VPS11: variants seen among roughly 807,000 people sequenced by gnomAD.
VPS11 encodes the protein vacuolar protein sorting-associated protein 11 homolog.
Under a neutral mutation model 106.8 loss-of-function variants are expected in VPS11, and 51 were observed. The ratio of observed to expected loss-of-function variants is 0.48; its 90% CI spans 0.38 to 0.60. The LOEUF is 0.60. Ranked by LOEUF, VPS11 falls within the 20% of genes least tolerant of loss-of-function variation. VPS11 has a pLI of 0.00. For synonymous variants in VPS11, 453 were observed against 458.7 expected (o/e 0.99, Z 0.16); for missense variants, 950 against 1,190.0 (o/e 0.80, Z 2.97).
At chr11:119,072,094 T>C (rs983370172) in intron 5 of VPS11, 1 of 386,148 alleles carries the variant, frequency 2.6e-6, no homozygotes, top group Middle Eastern at 7.9e-4. Context: ...GCCTCCTGAA[T>C]AGCTGGGATT....
rs782396800 is a variant in VPS11, at chr11:119,069,604, C to T, written c.472+27C>T. The stretch of plus-strand genomic sequence containing the variant: ...TAAACAGAAGGCAAAACTAACCCTC[C>T]TAGATTTGTTATAGATTTTCTTCAG... On this transcript the variant is annotated intron_variant, in intron 3 of 15. Transcript: ENST00000621676. 6.8e-6 allele frequency: 11 copies of T among 1,613,630 alleles called. No individual in the cohort carries two copies. In the South Asian group the frequency reaches 1.2e-4, roughly 18 times the overall value.
intron 4 of VPS11, among the ~76,000 whole-genome samples, chr11:119,071,305 A>G (rs1338257309): frequency 6.6e-6 from 1 of 152,146 alleles, no homozygotes; most frequent in Non-Finnish European, 1.5e-5. Flanking sequence ...CAGATTTACA[A>G]CAGTCTACTC....
Position 119,068,443 on chromosome 11 carries a change from C to CTTTTTTTTTTTTT in VPS11, c.187+433_187+434insTTTTTTTTTTTTT, listed in dbSNP as rs1945208004. On this transcript the variant is annotated intron_variant, in intron 1 of 15. Transcript: ENST00000621676. The stretch of plus-strand genomic sequence containing the variant: ...CTGCTACTAAATTCTGGCCTTTTTA[C>CTTTTTTTTTTTTT]CTTTTTTTTTTTTTTTTTTTTTTTG... 3.6e-4 allele frequency among the ~76,000 whole-genome samples: 13 copies of CTTTTTTTTTTTTT among 35,810 alleles called. 5 individuals are homozygous for CTTTTTTTTTTTTT. The highest frequency in any genetic ancestry group is 3.3e-4 in the Non-Finnish European group (4 of 12,246). The allele number at this position is 35,810 out of a possible 152,430, so 23.5% of individuals were successfully genotyped here.
chr11:119,070,028 A>AAATAAATAAATAAATAAAAT (rs375064434), intron 3 of VPS11, among the ~76,000 whole-genome samples: 5 of 28,098 alleles, frequency 1.8e-4, no homozygotes, highest in African/African-American at 6.4e-4. Context: ...ATAAATAAAT[A>AAATAAATAAATAAATAAAAT]AAATAAATAA....
In VPS11 at chr11:119,081,302, A is replaced by G. The variant is rs537985480; in HGVS notation, c.2649A>G (p.Gln883=). Residue 883 remains glutamine, a synonymous_variant, in exon 15 of 16, where the codon CAA becomes CAG. Transcript: ENST00000621676. The part of the protein sequence containing the change: ...AQEQKRDLHD[Q]FQHQLKCSND... ...AACAGAAACGAGATCTCCATGATCA[A>G]TTCCAGCATCAGGTGGGGATGAGTG... 1.2e-6 allele frequency: 2 copies of G among 1,614,066 alleles called. No homozygotes were observed. Among genetic ancestry groups the G allele is most frequent in the African/African-American group, 2.7e-5 (2 of 75,068 alleles).
At chr11:119,076,745 TG>T in intron 7 of VPS11, 151 bp from the exon 8 acceptor site, 1 of 895,144 alleles carries the variant, frequency 1.1e-6, no homozygotes, top group Non-Finnish European at 1.7e-6. Context: ...CGATATTACC[TG>T]GGACTTTGTT....
Position 119,078,559 on chromosome 11 carries a change from C to G in VPS11, c.1924-6C>G, listed in dbSNP as rs782417977. ...GTCCAGCAGCTCTGCCCTCCTTCCT[C>G]TCCAGGTCAAAGAGAAGCTTCACGC... On this transcript the variant is annotated splice_polypyrimidine_tract_variant and splice_region_variant and intron_variant, in intron 11 of 15. Transcript: ENST00000621676. 2 of 1,607,776 alleles carry G rather than the reference C, an allele frequency of 1.2e-6. No individual in the cohort carries two copies. The highest frequency in any genetic ancestry group is 2.7e-5 in the African/African-American group (2 of 74,820).
chr11:119,076,623 GA>G (rs1269779833), intron 7 of VPS11, among the ~76,000 whole-genome samples: 1 of 151,538 alleles, frequency 6.6e-6, no homozygotes, highest in Admixed American at 6.6e-5. Flanking sequence ...AATATAAAAA[GA>G]AACCTGTTTG....
At position 119,069,338 on chromosome 11, in the gene VPS11, C is replaced by T. The variant is rs371674622; in HGVS notation, c.330C>T (p.Asn110=). 27 of 1,613,870 alleles carry T rather than the reference C, an allele frequency of 1.7e-5. No individual in the cohort carries two copies. The African/African-American group carries it at 3.3e-4, about 20-fold the overall frequency. ...ASVGEDEEGI[N]PLVKIWNLEK... is the part of the protein sequence containing the mutation. ...TTGGAGAAGATGAAGAGGGCATCAA[C>T]CCCTTGGTGAGTCCCAGCAGGGAAA... The change falls in exon 2 of 16, where the codon AAC becomes AAT. Residue 110 remains asparagine, a synonymous_variant. Transcript: ENST00000621676.
At chr11:119,068,475 A>C (rs1592174309) in intron 1 of VPS11, among the ~76,000 whole-genome samples, 1 of 90,168 alleles carries the variant, frequency 1.1e-5, no homozygotes, top group African/African-American at 4.4e-5. Flanking sequence ...TTTGATACGG[A>C]GTCTTACTCT....
rs374444470 is a variant in VPS11 at position 119,077,909 on chromosome 11, A to G, written c.1604A>G (p.Lys535Arg). ...CAGGAAGCCCTTCGATACATCGGCA[A>G]GCTGCCTTTTGAGCAGGCAGAGAGC... is the stretch of plus-strand genomic sequence containing the variant. ...NYQEALRYIG[K>R]LPFEQAESNM... is the part of the protein sequence containing the mutation. The change falls in exon 10 of 16, where the codon AAG becomes AGG. Residue 535 changes from lysine to arginine, a missense_variant. This residue lies in a region of VPS11 where 435 missense variants were observed against 630.2 expected (regional missense o/e 0.69). Coordinates refer to ENST00000621676, the MANE Select transcript of VPS11 (RefSeq NM_021729.6). 4.4e-5 allele frequency: 71 copies of G among 1,614,066 alleles called. 1 individual carries two copies. In the African/African-American group the frequency reaches 8.1e-4, roughly 18 times the overall value.
chr11:119,074,056 A>T (rs887439649), intron 7 of VPS11, 105 bp downstream of exon 7: 62 of 1,338,198 alleles, frequency 4.6e-5, no homozygotes, highest in Admixed American at 8.2e-5. Flanking sequence ...TCTACCAGGA[A>T]CTGTTTTTGT....
At chr11:119,078,452 A>C (rs375671970) in intron 11 of VPS11, 113 bp from the exon 12 acceptor site, 5 of 1,570,132 alleles carry the variant, frequency 3.2e-6, no homozygotes, top group Non-Finnish European at 4.3e-6. Flanking sequence ...TCGGGGCTCA[A>C]TGGTCCTCTG....
rs782448086 is a variant in VPS11, at chr11:119,078,956, T to C, written c.2225T>C (p.Leu742Pro). 6.2e-7 allele frequency: 1 copy of C among 1,614,054 alleles called. No homozygotes were observed. Residue 742 changes from leucine (L) to proline (P), a missense_variant, in exon 13 of 16, where the codon CTC becomes CCC. Around this residue, in one of 3 missense-constraint regions of VPS11, gnomAD observed 453 missense variants for 514.6 expected, o/e 0.88. Coordinates refer to ENST00000621676, the MANE Select transcript of VPS11 (RefSeq NM_021729.6). Reference protein sequence around the residue: ...EDCKEYVAAVLKHIENKNLMP... With the variant: ...EDCKEYVAAVPKHIENKNLMP... ...TGCAAGGAGTATGTGGCAGCTGTCC[T>C]CAAGCATATCGAGAACAAGAACCTC...
Position 119,067,830 on chromosome 11 carries a change from G to A in VPS11, c.7G>A (p.Ala3Thr). The A allele has an allele frequency of 6.5e-7, 1 of 1,543,808 alleles. No individual in the cohort carries two copies. The highest frequency in any genetic ancestry group is 8.8e-7 in the Non-Finnish European group (1 of 1,141,358). The change falls in exon 1 of 16, where the codon GCC becomes ACC. Residue 3 changes from alanine to threonine, a missense_variant. Ala to Thr is a moderately conservative substitution (Grantham distance 58, BLOSUM62 0). Around this residue, in one of 3 missense-constraint regions of VPS11, gnomAD observed 62 missense variants for 45.1 expected, o/e 1.37. Transcript: ENST00000621676. Reference sequence around the variant, plus strand: ...GTGGGAGCCCTGGGCCAAAATGGCGGCCTACCTGCAGTGGCGGCGCTTCGT... The same window carrying A: ...GTGGGAGCCCTGGGCCAAAATGGCGACCTACCTGCAGTGGCGGCGCTTCGT... Reference protein sequence around the residue: MAAYLQWRRFVFF... With the variant: MATYLQWRRFVFF...
Position 119,081,014 on chromosome 11 carries a change from A to G in VPS11, c.2439-78A>G, listed in dbSNP as rs7122226. 12,128 of 1,343,254 alleles carry G rather than the reference A, an allele frequency of 9.0e-3. 742 individuals carry two copies. In the African/African-American group the frequency reaches 0.14, roughly 15 times the overall value. 83.2% of individuals were successfully genotyped at this position (1,343,254 alleles called of 1,614,324 possible). The stretch of plus-strand genomic sequence containing the variant: ...CCAGGGACCTTGCCCTGTGCACTTC[A>G]GCTGCCTTCTTTCTCATCCTTGACT... On this transcript the variant is annotated intron_variant, in intron 14 of 15. Coordinates refer to ENST00000621676, the MANE Select transcript of VPS11 (RefSeq NM_021729.6).
chr11:119,073,102 C>T, intron 5 of VPS11, 96 bp from the exon 6 acceptor site: 1 of 1,398,992 alleles, frequency 7.1e-7, no homozygotes, highest in South Asian at 1.3e-5. Flanking sequence ...GTGATTTGTG[C>T]TGGGTGAAAT....
At chr11:119,069,156 T>C in intron 1 of VPS11, 40 bp from the exon 2 acceptor site, 2 of 1,611,172 alleles carry the variant, frequency 1.2e-6, no homozygotes, top group South Asian at 1.1e-5. Flanking sequence ...TGAATGTAAG[T>C]ATCTCTCCTT....
chr11:119,079,630 G>C (rs1242808995), intron 14 of VPS11, among the ~76,000 whole-genome samples: 1 of 152,162 alleles, frequency 6.6e-6, no homozygotes, highest in African/African-American at 2.4e-5. Flanking sequence ...GGCTGGAGTG[G>C]AGGGGTGTGA....
Sources: gnomAD v4.1 joint callset for allele counts (sites outside exome capture counted in the v4.1 genomes callset) on GRCh38, gnomAD v4.1.1 for gene constraint, gnomAD v4.1.1 regional missense constraint, MANE v1.5 for transcripts, NCBI Gene and HGNC (gene_info 2026-07-23, HGNC 2026-07-21) for gene names.